Variants in TYW1B observed in about 807,000 individuals in gnomAD.
The protein encoded by TYW1B is S-adenosyl-L-methionine-dependent tRNA 4-demethylwyosine synthase TYW1B.
A neutral mutation model predicts 86.9 loss-of-function variants in TYW1B; 73 were observed. The ratio of observed to expected loss-of-function variants is 0.84; its 90% CI spans 0.70 to 1.02. The LOEUF (loss-of-function observed/expected upper bound fraction) is 1.02, where lower values mean the gene tolerates loss of function less well. Ranked by LOEUF, TYW1B falls within the 50% of genes least tolerant of loss-of-function variation. The probability of loss-of-function intolerance (pLI) is 0.00; values close to 1 mark genes in which losing one functional copy is unlikely to be tolerated. For missense variants in TYW1B, 637 were observed against 827.4 expected (o/e 0.77, Z 2.82); for synonymous variants, 248 against 292.8 (o/e 0.85, Z 1.56).
At chr7:72,735,830 A>G (rs1366351484) in intron 8 of TYW1B, among the ~76,000 whole-genome samples, 1 of 149,812 alleles carries the variant, frequency 6.7e-6, no homozygotes, top group Non-Finnish European at 1.5e-5. Context: ...AGATCAGGCC[A>G]CTGCACTCCA....
At position 72,628,827 on chromosome 7, in the gene TYW1B, A is replaced by C. The variant is rs1329296898; in HGVS notation, c.1617+60T>G. On this transcript the variant is annotated intron_variant, in intron 12 of 13. Coordinates refer to ENST00000620995, the MANE Select transcript of TYW1B (RefSeq NM_001145440.3). ...ACAAGGTTTTAACTCCACGATGGCC[A>C]ACGAAGCACCACGATTCTTTGTCAC... 40 of 1,441,414 alleles carry C rather than the reference A, an allele frequency of 2.8e-5. 1 individual carries two copies. The highest frequency in any genetic ancestry group is 3.8e-5 in the Non-Finnish European group (40 of 1,061,216). 89.3% of individuals were successfully genotyped at this position (1,441,414 alleles called of 1,614,324 possible). A position where few individuals can be genotyped will look rare whatever the true frequency, so the allele number is the denominator to read the frequency against.
Position 72,612,124 on chromosome 7 carries a change from C to G in TYW1B, c.1785+4548G>C, listed in dbSNP as rs11760229. 6.1e-3 allele frequency among the ~76,000 whole-genome samples: 932 copies of G among 151,988 alleles called. 2 individuals are homozygous for G. Among genetic ancestry groups the G allele is most frequent in the Non-Finnish European group, 8.9e-3 (604 of 67,966 alleles). ...CCTTCTAGGTACTTTAAATATGTTA[C>G]TTTTAATCTTGATAATGGCCTTGAA... is the stretch of plus-strand genomic sequence containing the variant. On this transcript the variant is annotated intron_variant, in intron 13 of 13. Coordinates refer to ENST00000620995, the MANE Select transcript of TYW1B (RefSeq NM_001145440.3).
chr7:72,766,644 GGGCCA>G (rs1287743531), intron 7 of TYW1B, among the ~76,000 whole-genome samples: 2 of 143,508 alleles, frequency 1.4e-5, no homozygotes, highest in Non-Finnish European at 3.0e-5. Flanking sequence ...CATAACTACA[GGGCCA>G]GGCGCAGTGG....
chr7:72,590,143 G>A (rs1347024420), intron 13 of TYW1B, among the ~76,000 whole-genome samples: 2 of 152,144 alleles, frequency 1.3e-5, no homozygotes, highest in Non-Finnish European at 2.9e-5. Flanking sequence ...TGGAACTCTG[G>A]AGTCTATTGA....
At chr7:72,737,382 A>G (rs1250863519) in intron 8 of TYW1B, among the ~76,000 whole-genome samples, 1 of 152,204 alleles carries the variant, frequency 6.6e-6, no homozygotes, top group Non-Finnish European at 1.5e-5. Flanking sequence ...GAATGTGTTA[A>G]TCATACTGTT....
intron 6 of TYW1B, among the ~76,000 whole-genome samples, chr7:72,783,243 CA>C: frequency 6.6e-6 from 1 of 151,858 alleles, no homozygotes; most frequent in East Asian, 1.9e-4. Context: ...TCTGAAAATA[CA>C]AAAATTAGCC....
intron 11 of TYW1B, among the ~76,000 whole-genome samples, chr7:72,658,923 G>A (rs1813267500): frequency 6.6e-6 from 1 of 152,260 alleles, no homozygotes; most frequent in South Asian, 2.1e-4. Flanking sequence ...GCTTTGCAAT[G>A]TTGGCCAGGC....
At chr7:72,632,511 A>G (rs1268107354) in intron 11 of TYW1B, among the ~76,000 whole-genome samples, 33 of 135,866 alleles carry the variant, frequency 2.4e-4, no homozygotes, top group Admixed American at 1.5e-3. Context: ...TATATTATAT[A>G]TATTCCTAAT....
intron 6 of TYW1B, among the ~76,000 whole-genome samples, chr7:72,791,233 A>G (rs1482569168): frequency 1.3e-5 from 2 of 152,102 alleles, no homozygotes; most frequent in Non-Finnish European, 2.9e-5. Context: ...GTATAGGGCC[A>G]TAATAGGATT....
chr7:72,736,922 T>A (rs1554461096), intron 8 of TYW1B, among the ~76,000 whole-genome samples: 1 of 152,192 alleles, frequency 6.6e-6, no homozygotes, highest in Non-Finnish European at 1.5e-5. Context: ...ATTATGAATA[T>A]CTTTTTGAGG....
chr7:72,589,491 A>T (rs1811346948), intron 13 of TYW1B, among the ~76,000 whole-genome samples: 1 of 152,244 alleles, frequency 6.6e-6, no homozygotes, highest in Admixed American at 6.5e-5. Flanking sequence ...TTTACCACTG[A>T]GTTCAGTAAG....
At chr7:72,807,447 C>T in intron 4 of TYW1B, 91 bp from the exon 5 acceptor site, 1 of 1,505,644 alleles carries the variant, frequency 6.6e-7, no homozygotes, top group Non-Finnish European at 8.9e-7. Context: ...CCTTCTGGGG[C>T]CCCTGGTCAT....
At chr7:72,637,080 C>T (rs1228747192) in intron 11 of TYW1B, among the ~76,000 whole-genome samples, 4 of 151,944 alleles carry the variant, frequency 2.6e-5, no homozygotes, top group African/African-American at 9.7e-5. Context: ...GCTGAGATCA[C>T]GCCATCGCAC....
At chr7:72,607,338 G>C (rs139017796) in intron 13 of TYW1B, among the ~76,000 whole-genome samples, 310 of 145,722 alleles carry the variant, frequency 2.1e-3, no homozygotes, top group African/African-American at 7.4e-3. Flanking sequence ...GTTGCAGTGA[G>C]CCAAGATTGT....
chr7:72,603,545 C>G (rs1331654214), intron 13 of TYW1B, among the ~76,000 whole-genome samples: 1 of 152,186 alleles, frequency 6.6e-6, no homozygotes, highest in Non-Finnish European at 1.5e-5. Flanking sequence ...TAACACTGCG[C>G]CCCCTGGATA....
At chr7:72,788,096 G>A (rs1788159481) in intron 6 of TYW1B, among the ~76,000 whole-genome samples, 2 of 151,788 alleles carry the variant, frequency 1.3e-5, no homozygotes, top group Admixed American at 6.6e-5. Context: ...TTCTGCCTCA[G>A]GCTCCCGAGT....
chr7:72,677,496 T>G (rs1813762567), intron 11 of TYW1B, among the ~76,000 whole-genome samples: 1 of 152,086 alleles, frequency 6.6e-6, no homozygotes, highest in South Asian at 2.1e-4. Flanking sequence ...CACATGGGCA[T>G]GGAACATTTG....
At chr7:72,784,567 G>A (rs1410120861) in intron 6 of TYW1B, among the ~76,000 whole-genome samples, 3 of 152,110 alleles carry the variant, frequency 2.0e-5, no homozygotes, top group South Asian at 2.1e-4. Flanking sequence ...GCGCAATCTC[G>A]GCTCACTGAA....
At chr7:72,721,229 C>T (rs1307124732) in intron 9 of TYW1B, among the ~76,000 whole-genome samples, 1 of 152,110 alleles carries the variant, frequency 6.6e-6, no homozygotes, top group Non-Finnish European at 1.5e-5. Context: ...GTCTTTATAA[C>T]AGCATGATTT....
Sources: gnomAD v4.1 joint callset for allele counts (sites outside exome capture counted in the v4.1 genomes callset) on GRCh38, gnomAD v4.1.1 for gene constraint, MANE v1.5 for transcripts, NCBI Gene and HGNC (gene_info 2026-07-23, HGNC 2026-07-21) for gene names.